The following ARB2A variants were observed in gnomAD, a reference collection of about 807,000 sequenced individuals.
ARB2A encodes ARB2 cotranscriptional regulator A.
the ARB2A span, among the ~76,000 whole-genome samples, chr5:93,763,651 T>C: frequency 6.6e-6 from 1 of 152,020 alleles, no homozygotes; most frequent in Non-Finnish European, 1.5e-5. Flanking sequence ...GACAGAAAGT[T>C]AACAAGGATA....
the ARB2A span, among the ~76,000 whole-genome samples, chr5:94,044,899 C>T: frequency 6.6e-6 from 1 of 151,904 alleles, no homozygotes; most frequent in African/African-American, 2.4e-5. Context: ...GGGTGGATCA[C>T]CTGAGGTCAC....
chr5:94,082,017 T>C, the ARB2A span, among the ~76,000 whole-genome samples: 45 of 152,304 alleles, frequency 3.0e-4, no homozygotes, highest in Admixed American at 9.2e-4. Context: ...AGGCTAGCAA[T>C]TGTCTAGGCA....
At chr5:93,640,749 A>G in the ARB2A span, among the ~76,000 whole-genome samples, 1 of 151,998 alleles carries the variant, frequency 6.6e-6, no homozygotes, top group East Asian at 1.9e-4. Context: ...CTCTTCTGGA[A>G]TTAAATTTAC....
chr5:94,045,401 C>T, the ARB2A span, among the ~76,000 whole-genome samples: 1 of 152,024 alleles, frequency 6.6e-6, no homozygotes, highest in Non-Finnish European at 1.5e-5. Flanking sequence ...CGATCAGGAC[C>T]CCTTTCCTAC....
chr5:93,686,864 T>C, the ARB2A span, among the ~76,000 whole-genome samples: 1 of 151,574 alleles, frequency 6.6e-6, no homozygotes, highest in South Asian at 2.1e-4. Flanking sequence ...AAAAAAATCA[T>C]AAAGGCACTA....
chr5:93,640,634 GTA>G, the ARB2A span, among the ~76,000 whole-genome samples: 2 of 149,168 alleles, frequency 1.3e-5, no homozygotes, highest in Admixed American at 6.7e-5. Context: ...ATATGTGTGT[GTA>G]TATATATATA....
At chr5:94,110,275 G>A in the ARB2A span, among the ~76,000 whole-genome samples, 5 of 152,124 alleles carry the variant, frequency 3.3e-5, no homozygotes, top group African/African-American at 1.2e-4. Flanking sequence ...AGGAGCAAAA[G>A]GACTTTCTAT....
the ARB2A span, chr5:93,881,448 G>C: frequency 6.4e-7 from 1 of 1,552,496 alleles, no homozygotes; most frequent in African/African-American, 1.4e-5. Context: ...AAATAGTAAA[G>C]GAAAGTAGTG....
chr5:93,744,635 C>A, the ARB2A span, among the ~76,000 whole-genome samples: 1 of 151,882 alleles, frequency 6.6e-6, no homozygotes, highest in Admixed American at 6.6e-5. Flanking sequence ...CTTGCCATTT[C>A]CTCAAAAGTA....
chr5:94,088,555 CT>C, the ARB2A span, among the ~76,000 whole-genome samples: 1 of 152,084 alleles, frequency 6.6e-6, no homozygotes, highest in Non-Finnish European at 1.5e-5. Flanking sequence ...TTGGCATGTG[CT>C]TGTAGTCCCA....
the ARB2A span, chr5:93,620,646 C>A: frequency 5.0e-6 from 1 of 201,226 alleles, no homozygotes; most frequent in Non-Finnish European, 1.0e-5. Flanking sequence ...TAGGACCGCG[C>A]CGACGCCGCC....
chr5:93,751,194 T>C, the ARB2A span, among the ~76,000 whole-genome samples: 1 of 152,048 alleles, frequency 6.6e-6, no homozygotes, highest in Non-Finnish European at 1.5e-5. Flanking sequence ...GTCACTTCTA[T>C]AGCACTTTAG....
chr5:93,693,547 T>C, the ARB2A span, among the ~76,000 whole-genome samples: 11 of 143,358 alleles, frequency 7.7e-5, no homozygotes, highest in Non-Finnish European at 1.5e-4. Flanking sequence ...AGTTCTGAAA[T>C]TGAGGCAGTA....
the ARB2A span, among the ~76,000 whole-genome samples, chr5:93,689,274 T>TG: frequency 6.6e-6 from 1 of 152,172 alleles, no homozygotes; most frequent in South Asian, 2.1e-4. Context: ...TAACTTACAT[T>TG]TTTTGGGCCT....
At chr5:93,992,759 T>C in the ARB2A span, among the ~76,000 whole-genome samples, 1 of 152,032 alleles carries the variant, frequency 6.6e-6, no homozygotes, top group Non-Finnish European at 1.5e-5. Flanking sequence ...TTTTGACAAA[T>C]CTAAATGATA....
the ARB2A span, among the ~76,000 whole-genome samples, chr5:94,087,243 CA>C: frequency 6.6e-6 from 1 of 151,938 alleles, no homozygotes; most frequent in Non-Finnish European, 1.5e-5. Context: ...AGTATTATTA[CA>C]AAAAAGTCAA....
the ARB2A span, among the ~76,000 whole-genome samples, chr5:94,057,080 C>T: frequency 6.6e-6 from 1 of 152,310 alleles, no homozygotes; most frequent in Non-Finnish European, 1.5e-5. Context: ...GGAACTCACA[C>T]CATCAGCTCT....
At chr5:93,741,509 C>G in the ARB2A span, 3 of 1,610,502 alleles carry the variant, frequency 1.9e-6, no homozygotes, top group Non-Finnish European at 2.5e-6. Context: ...CTGGGGCCGC[C>G]CCCACCACTG....
At chr5:93,851,469 ATACTTT>A in the ARB2A span, among the ~76,000 whole-genome samples, 2 of 152,144 alleles carry the variant, frequency 1.3e-5, no homozygotes, top group Admixed American at 6.5e-5. Context: ...TATTATTATT[ATACTTT>A]AAGTTTTAGG....
Sources: allele counts gnomAD v4.1 joint callset (sites outside exome capture counted in the v4.1 genomes callset), GRCh38; gene constraint gnomAD v4.1.1; transcripts MANE v1.5; gene names NCBI Gene and HGNC (gene_info 2026-07-23, HGNC 2026-07-21).